Variants in PLEKHA3 observed in about 807,000 individuals in gnomAD.
The protein encoded by PLEKHA3 is pleckstrin homology domain-containing family A member 3.
Under a neutral mutation model 39.2 loss-of-function variants are expected in PLEKHA3, and 19 were observed. The ratio of observed to expected loss-of-function variants is 0.48; its 90% CI spans 0.34 to 0.71. The LOEUF (loss-of-function observed/expected upper bound fraction) is 0.71, where lower values mean the gene tolerates loss of function less well. PLEKHA3 is among the 30% of genes least tolerant of loss of function. The pLI, the probability that PLEKHA3 is intolerant of heterozygous loss-of-function variation, is 0.01. For missense variants in PLEKHA3, 253 were observed against 359.5 expected, an observed-to-expected ratio of 0.70 and a Z score of 2.40; for synonymous variants, 97 against 118.6, an observed-to-expected ratio of 0.82 and a Z score of 1.18.
At position 178,505,435 on chromosome 2, in the gene PLEKHA3, C is replaced by T. The variant is rs1685588430; in HGVS notation, c.*1548C>T. 1 of 151,680 alleles carries T rather than the reference C, an allele frequency of 6.6e-6. No individual in the cohort carries two copies. The highest frequency in any genetic ancestry group is 1.5e-5 in the Non-Finnish European group (1 of 67,840). The allele number at this position is 151,680 out of a possible 1,614,324, so 9.4% of individuals were successfully genotyped here. A position where few individuals can be genotyped will look rare whatever the true frequency, so the allele number is the denominator to read the frequency against. ...TTTAAATAACACACAGGTCATCAGACTACTCTATATTCAGTGGAGTCTTTG... is the reference window on the plus strand; with the variant it reads ...TTTAAATAACACACAGGTCATCAGATTACTCTATATTCAGTGGAGTCTTTG... On this transcript the variant is annotated 3_prime_UTR_variant, in exon 8 of 8. Coordinates refer to ENST00000234453, the MANE Select transcript of PLEKHA3 (RefSeq NM_019091.4).
Position 178,490,681 on chromosome 2 carries a change from A to G in PLEKHA3, c.180A>G (p.Arg60=). ...TAGTTCATTCAGCAGACAACACAAG[A>G]ATGGAATTAATCATTCCTGGAGAGC... ...EIKVHSADNT[R]MELIIPGEQH... is the part of the protein sequence containing the mutation. The change falls in exon 3 of 8, where the codon AGA becomes AGG. Residue 60 remains arginine (R), a synonymous_variant. Coordinates refer to ENST00000234453, the MANE Select transcript of PLEKHA3 (RefSeq NM_019091.4). The G allele has an allele frequency of 6.2e-7, 1 of 1,613,788 alleles. No individual in the cohort carries two copies. The highest frequency in any genetic ancestry group is 8.5e-7 in the Non-Finnish European group (1 of 1,179,698).
intron 4 of PLEKHA3, among the ~76,000 whole-genome samples, chr2:178,494,906 C>CTTT (rs143346176): frequency 7.4e-5 from 9 of 122,272 alleles, no homozygotes; most frequent in Non-Finnish European, 5.3e-5. Flanking sequence ...AACTTCTCAT[C>CTTT]TTTTTTTTTT....
rs1685330794 is a variant in PLEKHA3 at position 178,490,765 on chromosome 2, G to C, written c.264G>C (p.Leu88=). The part of the protein sequence containing the change: ...AAERQRWLVA[L]GSSKACLTDT... ...AAAGACAGAGGTGGCTGGTCGCTCT[G>C]GGGAGCTCCAAAGCATGTTTGACTG... is the stretch of plus-strand genomic sequence containing the variant. Residue 88 remains leucine, a synonymous_variant, in exon 3 of 8, where the codon CTG becomes CTC. Coordinates refer to ENST00000234453, the MANE Select transcript of PLEKHA3 (RefSeq NM_019091.4). The C allele has an allele frequency of 6.2e-7, 1 of 1,613,880 alleles. No homozygotes were observed. The highest frequency in any genetic ancestry group is 1.3e-5 in the African/African-American group (1 of 74,890).
chr2:178,483,497 G>T (rs918202799), intron 1 of PLEKHA3, among the ~76,000 whole-genome samples: 1 of 152,134 alleles, frequency 6.6e-6, no homozygotes, highest in Non-Finnish European at 1.5e-5. Context: ...TTATATTAAT[G>T]TGTTCAACCA....
At chr2:178,493,404 G>A (rs1192451059) in intron 3 of PLEKHA3, among the ~76,000 whole-genome samples, 2 of 152,166 alleles carry the variant, frequency 1.3e-5, no homozygotes, top group Admixed American at 6.5e-5. Flanking sequence ...TAAGGTATTT[G>A]CAGTATATAA....
At chr2:178,488,119 A>G (rs1010906885) in intron 2 of PLEKHA3, among the ~76,000 whole-genome samples, 2 of 147,062 alleles carry the variant, frequency 1.4e-5, no homozygotes, top group Non-Finnish European at 1.5e-5. Flanking sequence ...CACAAAAAGG[A>G]AAAAAAAAAA....
chr2:178,480,981 C>T (rs1685152558), intron 1 of PLEKHA3, 72 bp downstream of exon 1: 7 of 1,261,792 alleles, frequency 5.5e-6, no homozygotes, highest in Non-Finnish European at 7.2e-6. Context: ...CGGGGCTCCT[C>T]TTCCTCCGTC....
intron 6 of PLEKHA3, 42 bp from the exon 7 acceptor site, chr2:178,501,019 A>G: frequency 1.6e-6 from 2 of 1,279,210 alleles, no homozygotes; most frequent in Non-Finnish European, 2.3e-6. Context: ...GTTTTTGTTT[A>G]TGTAAGGCCT....
At position 178,506,523 on chromosome 2, in the gene PLEKHA3, C is replaced by T. The variant is rs552851589; in HGVS notation, c.*2636C>T. ...AGAAGATAGAGTATCTTCATTTCCACAGATGCCCTAGAACCTTTGACCTTG... is the reference window on the plus strand; with the variant it reads ...AGAAGATAGAGTATCTTCATTTCCATAGATGCCCTAGAACCTTTGACCTTG... On this transcript the variant is annotated 3_prime_UTR_variant, in exon 8 of 8. Coordinates refer to ENST00000234453, the MANE Select transcript of PLEKHA3 (RefSeq NM_019091.4). The T allele has an allele frequency of 6.6e-6, 1 of 152,298 alleles. No individual in the cohort carries two copies. Among genetic ancestry groups the T allele is most frequent in the African/African-American group, 2.4e-5 (1 of 41,568 alleles). 9.4% of individuals were successfully genotyped at this position (152,298 alleles called of 1,614,324 possible).
Position 178,480,761 on chromosome 2 carries a change from G to T in PLEKHA3, c.-109G>T, listed in dbSNP as rs907975232. The T allele has an allele frequency of 3.2e-5, 32 of 985,512 alleles. No individual in the cohort carries two copies. The Admixed American group carries it at 7.4e-4, about 23-fold the overall frequency. The allele number at this position is 985,512 out of a possible 1,614,324, so 61.0% of individuals were successfully genotyped here. ...CGCAGGCAGAAAGCGGCTTCGTGCC[G>T]GCGGAGGGGGCCCGGGCGGGCCGGG... On this transcript the variant is annotated 5_prime_UTR_variant, in exon 1 of 8. Coordinates refer to ENST00000234453, the MANE Select transcript of PLEKHA3 (RefSeq NM_019091.4).
intron 4 of PLEKHA3, among the ~76,000 whole-genome samples, chr2:178,494,332 A>G (rs907550376): frequency 6.6e-6 from 1 of 152,192 alleles, no homozygotes; most frequent in African/African-American, 2.4e-5. Flanking sequence ...TTTTGGTAAT[A>G]AGGTCCCTGC....
In PLEKHA3 at chr2:178,507,535, A is replaced by G. The variant is rs548825760; in HGVS notation, c.*3648A>G. On this transcript the variant is annotated 3_prime_UTR_variant, in exon 8 of 8. Coordinates refer to ENST00000234453, the MANE Select transcript of PLEKHA3 (RefSeq NM_019091.4). Reference sequence around the variant, plus strand: ...AAAAAGTTTTTAAAAATATTTTGTCATCCTTTAGGGACATTTCTTCCACAG... The same window carrying G: ...AAAAAGTTTTTAAAAATATTTTGTCGTCCTTTAGGGACATTTCTTCCACAG... 3.3e-5 allele frequency: 5 copies of G among 152,136 alleles called. No homozygotes were observed. In the East Asian group the frequency reaches 7.7e-4, roughly 24 times the overall value. 9.4% of individuals were successfully genotyped at this position (152,136 alleles called of 1,614,324 possible).
chr2:178,501,789 G>A lies in PLEKHA3; in HGVS notation c.775+613G>A, dbSNP rs74859264. On this transcript the variant is annotated intron_variant, in intron 7 of 7. Transcript: ENST00000234453. ...AGTAAGATAGTAGTGACCATGATTTGCAGTGAACACAAATATAGTCTTATT... is the reference window on the plus strand; with the variant it reads ...AGTAAGATAGTAGTGACCATGATTTACAGTGAACACAAATATAGTCTTATT... Among the ~76,000 whole-genome samples, 590 of 152,006 alleles carry A rather than the reference G, an allele frequency of 3.9e-3. 30 individuals are homozygous for A. In the East Asian group the frequency reaches 0.1, roughly 26 times the overall value.
chr2:178,493,754 G>A (rs543717009), intron 3 of PLEKHA3, 99 bp from the exon 4 acceptor site: 5 of 1,032,188 alleles, frequency 4.8e-6, no homozygotes, highest in Admixed American at 2.5e-5. Flanking sequence ...TGAGCTATAG[G>A]TATTTATATT....
Position 178,507,658 on chromosome 2 carries a change from G to GTTTTTTGTTTTTTTTTT in PLEKHA3, c.*3777_*3778insGTTTTTTTTTTTTTTTT, listed in dbSNP as rs1685624147. Reference sequence around the variant, plus strand: ...CCTTTAGTTTTTAGTCTCACATTAGGTTTTTTTTTTTTTTTTTTTTTTTTT... The same window carrying GTTTTTTGTTTTTTTTTT: ...CCTTTAGTTTTTAGTCTCACATTAGGTTTTTTGTTTTTTTTTTTTTTTTTTTTTTTTTTTTTTTTTTT... On this transcript the variant is annotated 3_prime_UTR_variant, in exon 8 of 8. Transcript: ENST00000234453. 6.9e-5 allele frequency: 2 copies of GTTTTTTGTTTTTTTTTT among 28,818 alleles called. No homozygotes were observed. Among genetic ancestry groups the GTTTTTTGTTTTTTTTTT allele is most frequent in the East Asian group, 1.5e-3 (2 of 1,298 alleles). The allele number at this position is 28,818 out of a possible 1,614,324, so 1.8% of individuals were successfully genotyped here. A position where few individuals can be genotyped will look rare whatever the true frequency, so the allele number is the denominator to read the frequency against.
chr2:178,492,697 G>A (rs1247949936), intron 3 of PLEKHA3, among the ~76,000 whole-genome samples: 2 of 151,946 alleles, frequency 1.3e-5, no homozygotes, highest in Admixed American at 6.6e-5. Flanking sequence ...AAATACCCAG[G>A]GCAGTCATAC....
At chr2:178,484,608 G>A (rs1378203744) in intron 1 of PLEKHA3, among the ~76,000 whole-genome samples, 1 of 152,068 alleles carries the variant, frequency 6.6e-6, no homozygotes, top group African/African-American at 2.4e-5. Flanking sequence ...AAAGTGACCG[G>A]GATACGAACA....
Position 178,512,062 on chromosome 2 carries a change from T to C in PLEKHA3, c.*8175T>C, listed in dbSNP as rs1326218148. The stretch of plus-strand genomic sequence containing the variant: ...TACAGGACTACCAGTGCAGCCAAGA[T>C]GCACAGCACCAGGATTAACTCATGA... On this transcript the variant is annotated 3_prime_UTR_variant, in exon 8 of 8. Coordinates refer to ENST00000234453, the MANE Select transcript of PLEKHA3 (RefSeq NM_019091.4). The C allele has an allele frequency of 6.6e-6, 1 of 152,240 alleles. No homozygotes were observed. The highest frequency in any genetic ancestry group is 1.9e-4 in the East Asian group (1 of 5,202). The allele number at this position is 152,240 out of a possible 1,614,324, so 9.4% of individuals were successfully genotyped here. A position where few individuals can be genotyped will look rare whatever the true frequency, so the allele number is the denominator to read the frequency against.
chr2:178,489,900 T>G (rs979254391), intron 2 of PLEKHA3, among the ~76,000 whole-genome samples: 1 of 152,242 alleles, frequency 6.6e-6, no homozygotes, highest in Non-Finnish European at 1.5e-5. Context: ...GTTTGTTTCT[T>G]GGTTAAATTG....
Sources: allele counts gnomAD v4.1 joint callset (sites outside exome capture counted in the v4.1 genomes callset), GRCh38; gene constraint gnomAD v4.1.1; transcripts MANE v1.5; gene names NCBI Gene and HGNC (gene_info 2026-07-23, HGNC 2026-07-21).